The following ANKHD1 variants were observed in gnomAD, a reference collection of about 807,000 sequenced individuals.
ANKHD1 encodes ankyrin repeat and KH domain containing 1.
In ANKHD1, 31 loss-of-function variants were observed where a neutral mutation model predicts 230.5. The observed-to-expected ratio is 0.13, with a 90% CI of 0.10 to 0.18. The LOEUF (loss-of-function observed/expected upper bound fraction) is 0.18, where lower values mean the gene tolerates loss of function less well. ANKHD1 is among the 10% of genes least tolerant of loss of function. ANKHD1 has a pLI of 1.00. For missense variants in ANKHD1, 2,256 were observed against 3,071.3 expected (o/e 0.73, Z 6.27); for synonymous variants, 1,074 against 1,117.6 (o/e 0.96, Z 0.78).
At chr5:140,468,052 C>CTTTTTTTTTTTTTTTTTTTT (rs869172143) in intron 10 of ANKHD1, among the ~76,000 whole-genome samples, 2 of 52,380 alleles carry the variant, frequency 3.8e-5, no homozygotes, top group African/African-American at 8.9e-5. Context: ...TGTACTAATT[C>CTTTTTTTTTTTTTTTTTTTT]TTTTTTTTTT....
chr5:140,440,608 A>G (rs1773782293), intron 4 of ANKHD1, among the ~76,000 whole-genome samples: 1 of 152,200 alleles, frequency 6.6e-6, no homozygotes, highest in Non-Finnish European at 1.5e-5. Context: ...GGTTACCCCA[A>G]TTCTTTTAAT....
rs70988767 is a variant in ANKHD1 at position 140,503,553 on chromosome 5, C to CTTTTTTTTTTT, written c.3005-1246_3005-1236dup. On this transcript the variant is annotated intron_variant, in intron 15 of 33. Coordinates refer to ENST00000360839, the MANE Select transcript of ANKHD1 (RefSeq NM_017747.3). ...AATTTCTTTTAACTCAGTTTTCTTT[C>CTTTTTTTTTTT]TTTTTTTTTTTTTTTTTTTTTTTTT... 6.6e-3 allele frequency among the ~76,000 whole-genome samples: 342 copies of CTTTTTTTTTTT among 51,434 alleles called. 14 individuals carry two copies. The highest frequency in any genetic ancestry group is 8.1e-3 in the Non-Finnish European group (248 of 30,528). The allele number at this position is 51,434 out of a possible 152,430, so 33.7% of individuals were successfully genotyped here.
intron 1 of ANKHD1, among the ~76,000 whole-genome samples, chr5:140,433,674 TG>T (rs566589387): frequency 6.9e-4 from 105 of 152,292 alleles, no homozygotes; most frequent in African/African-American, 2.4e-3. Flanking sequence ...ATATCTCAAA[TG>T]CGCCTTTAGT....
Position 140,504,937 on chromosome 5 carries a change from G to A in ANKHD1, c.3121G>A (p.Val1041Met). The A allele has an allele frequency of 6.2e-7, 1 of 1,614,142 alleles. No individual in the cohort carries two copies. The highest frequency in any genetic ancestry group is 8.5e-7 in the Non-Finnish European group (1 of 1,180,012). ...SNVASQSMPP[V>M]YPSVDIDAHT... ...TGTGGCTTCCCAATCGATGCCTCCT[G>A]TGTATCCTTCAGTTGACATTGATGC... The change falls in exon 16 of 34, where the codon GTG (valine) becomes ATG (methionine). Residue 1041 changes from valine (V) to methionine (M), a missense_variant. Val to Met is a conservative substitution (Grantham distance 21). This residue lies in a region of ANKHD1 where 358 missense variants were observed against 397.7 expected (regional missense o/e 0.90). Coordinates refer to ENST00000360839, the MANE Select transcript of ANKHD1 (RefSeq NM_017747.3).
At chr5:140,445,654 T>G in intron 5 of ANKHD1, 88 bp from the exon 6 acceptor site, 1 of 1,192,742 alleles carries the variant, frequency 8.4e-7, no homozygotes, top group Non-Finnish European at 1.1e-6. Context: ...CTGTCATGAT[T>G]GTATATTTCT....
At chr5:140,466,408 A>G (rs867657616) in intron 10 of ANKHD1, among the ~76,000 whole-genome samples, 38 of 151,158 alleles carry the variant, frequency 2.5e-4, no homozygotes, top group Non-Finnish European at 4.7e-4. Context: ...AAAAAAAAAG[A>G]AAAAAATTAA....
chr5:140,408,783 G>C (rs1278296260), intron 1 of ANKHD1, among the ~76,000 whole-genome samples: 2 of 152,062 alleles, frequency 1.3e-5, no homozygotes, highest in African/African-American at 4.8e-5. Context: ...CGGTGGCATG[G>C]TCATAACTCT....
At chr5:140,437,142 T>TC (rs1260523032) in intron 2 of ANKHD1, among the ~76,000 whole-genome samples, 2 of 152,224 alleles carry the variant, frequency 1.3e-5, no homozygotes, top group African/African-American at 4.8e-5. Context: ...ACAATTTTTT[T>TC]CCCCATATAA....
At chr5:140,522,448 T>C (rs1349498622) in intron 24 of ANKHD1, among the ~76,000 whole-genome samples, 1 of 152,228 alleles carries the variant, frequency 6.6e-6, no homozygotes, top group Admixed American at 6.5e-5. Flanking sequence ...TTTTCTTCTC[T>C]CTTTAGCTTA....
chr5:140,472,532 G>A (rs1776565123), intron 10 of ANKHD1: 4 of 1,090,860 alleles, frequency 3.7e-6, no homozygotes, highest in African/African-American at 1.6e-5. Context: ...TCTCTTAGGT[G>A]AAAATAGATT....
At chr5:140,405,132 C>G (rs1770326333) in intron 1 of ANKHD1, among the ~76,000 whole-genome samples, 2 of 152,026 alleles carry the variant, frequency 1.3e-5, no homozygotes, top group Admixed American at 1.3e-4. Context: ...CCTACACCCA[C>G]TTAGTGGTGC....
Position 140,528,654 on chromosome 5 carries a change from G to C in ANKHD1, c.5708G>C (p.Ser1903Thr). Residue 1903 changes from serine to threonine, a missense_variant, in exon 29 of 34, where the codon AGC becomes ACC. Around this residue, in one of 13 missense-constraint regions of ANKHD1, gnomAD observed 778 missense variants for 966.5 expected, o/e 0.80. Coordinates refer to ENST00000360839, the MANE Select transcript of ANKHD1 (RefSeq NM_017747.3). ...CCTGTGAATCCTGGCAACACAAATA[G>C]CTCTCCAAAGCATAATAACACAAGC... The part of the protein sequence containing the change: ...VRPVNPGNTN[S>T]SPKHNNTSRL... 6.2e-7 allele frequency: 1 copy of C among 1,614,090 alleles called. No homozygotes were observed. The highest frequency in any genetic ancestry group is 8.5e-7 in the Non-Finnish European group (1 of 1,180,030).
chr5:140,409,107 C>T (rs889634364), intron 1 of ANKHD1, among the ~76,000 whole-genome samples: 4 of 152,112 alleles, frequency 2.6e-5, no homozygotes, highest in Admixed American at 6.6e-5. Flanking sequence ...TGAGAGCTAC[C>T]GGTCTAGAGG....
chr5:140,537,715 G>T, intron 31 of ANKHD1, 126 bp downstream of exon 31: 1 of 1,369,194 alleles, frequency 7.3e-7, no homozygotes. Flanking sequence ...ACTCAATTAG[G>T]GAAGGGTGTT....
At position 140,459,423 on chromosome 5, in the gene ANKHD1, TA is replaced by T; in HGVS notation, c.1672+73del. On this transcript the variant is annotated intron_variant, in intron 9 of 33. Transcript: ENST00000360839. ...CAAATAATAGTTTATATGTGGAATC[TA>T]AAAACGTTGAGCTCCTAGTAGATAA... 6 of 1,434,876 alleles carry T rather than the reference TA, an allele frequency of 4.2e-6. No homozygotes were observed. The South Asian group carries it at 8.3e-5, about 20-fold the overall frequency. 88.9% of individuals were successfully genotyped at this position (1,434,876 alleles called of 1,614,324 possible).
At chr5:140,416,058 A>G (rs902317698) in intron 1 of ANKHD1, among the ~76,000 whole-genome samples, 52 of 152,186 alleles carry the variant, frequency 3.4e-4, no homozygotes, top group African/African-American at 1.2e-3. Flanking sequence ...TGTCCTTGCA[A>G]TAGTTTGCTC....
chr5:140,468,487 A>C (rs1776270263), intron 10 of ANKHD1, among the ~76,000 whole-genome samples: 2 of 152,100 alleles, frequency 1.3e-5, no homozygotes, highest in Admixed American at 1.3e-4. Flanking sequence ...CCTGGAACTT[A>C]TTTCCTTTTA....
chr5:140,525,930 A>G (rs890322188), intron 25 of ANKHD1, 66 bp from the exon 26 acceptor site: 2 of 1,491,408 alleles, frequency 1.3e-6, no homozygotes, highest in Non-Finnish European at 8.9e-7. Flanking sequence ...TATCAAATAT[A>G]TTCTGTCAGA....
At chr5:140,534,651 G>A (rs1379557154) in intron 29 of ANKHD1, among the ~76,000 whole-genome samples, 1 of 152,066 alleles carries the variant, frequency 6.6e-6, no homozygotes, top group Non-Finnish European at 1.5e-5. Context: ...CTGCTTAAAA[G>A]AAATTTTGAC....
Sources: gnomAD v4.1 joint callset for allele counts (sites outside exome capture counted in the v4.1 genomes callset) on GRCh38, gnomAD v4.1.1 for gene constraint, gnomAD v4.1.1 regional missense constraint, MANE v1.5 for transcripts, NCBI Gene and HGNC (gene_info 2026-07-23, HGNC 2026-07-21) for gene names.